The following DYNC1I1 variants were observed in gnomAD, a reference collection of about 807,000 sequenced individuals.
DYNC1I1 encodes cytoplasmic dynein 1 intermediate chain 1.
A neutral mutation model predicts 86.6 loss-of-function variants in DYNC1I1; 43 were observed. That is an observed-to-expected ratio of 0.50 (90% CI 0.39 to 0.64). DYNC1I1 has a LOEUF of 0.64. Ranked by LOEUF, DYNC1I1 falls within the 30% of genes least tolerant of loss-of-function variation. The pLI is 0.00. For missense variants in DYNC1I1, 604 were observed against 788.8 expected, an observed-to-expected ratio of 0.77 and a Z score of 2.81; for synonymous variants, 262 against 283.7, an observed-to-expected ratio of 0.92 and a Z score of 0.77.
At chr7:95,816,990 A>G (rs1794961180) in intron 4 of DYNC1I1, among the ~76,000 whole-genome samples, 1 of 152,188 alleles carries the variant, frequency 6.6e-6, no homozygotes. Flanking sequence ...ATAGTCCTGA[A>G]GAACGGCTTT....
intron 5 of DYNC1I1, among the ~76,000 whole-genome samples, chr7:95,843,844 A>G (rs1225342933): frequency 6.6e-6 from 1 of 152,232 alleles, no homozygotes; most frequent in Admixed American, 6.5e-5. Flanking sequence ...GATTAGGTGA[A>G]TTGAAGATAC....
chr7:95,837,294 A>T (rs1789127368), intron 5 of DYNC1I1, among the ~76,000 whole-genome samples: 1 of 151,952 alleles, frequency 6.6e-6, no homozygotes, highest in Non-Finnish European at 1.5e-5. Flanking sequence ...GTCAGGGGTC[A>T]GGGACCCACT....
At chr7:95,839,885 G>A (rs1397334547) in intron 5 of DYNC1I1, among the ~76,000 whole-genome samples, 1 of 151,636 alleles carries the variant, frequency 6.6e-6, no homozygotes, top group African/African-American at 2.4e-5. Context: ...TCAGCACTTT[G>A]AATATATCAC....
intron 6 of DYNC1I1, among the ~76,000 whole-genome samples, chr7:95,896,552 G>A (rs1584138129): frequency 6.6e-6 from 1 of 152,276 alleles, no homozygotes; most frequent in East Asian, 1.9e-4. Flanking sequence ...AGAGTAAGAA[G>A]TTTGCCTAAA....
At chr7:96,052,485 C>T (rs1789434192) in intron 14 of DYNC1I1, among the ~76,000 whole-genome samples, 1 of 152,102 alleles carries the variant, frequency 6.6e-6, no homozygotes, top group African/African-American at 2.4e-5. Context: ...GCAGTTTAGT[C>T]ATCTCTAAAA....
chr7:96,076,323 C>CAGT, intron 15 of DYNC1I1, 126 bp downstream of exon 15: 1 of 1,378,226 alleles, frequency 7.3e-7, no homozygotes, highest in Non-Finnish European at 9.7e-7. Flanking sequence ...AGCAGGGCTG[C>CAGT]CGGCCCCCAT....
chr7:95,962,887 C>A (rs1195115047), intron 6 of DYNC1I1, among the ~76,000 whole-genome samples: 9 of 152,136 alleles, frequency 5.9e-5, no homozygotes, highest in Non-Finnish European at 1.3e-4. Context: ...ATCCTTAGAA[C>A]CCTCTTTTGA....
At chr7:95,798,012 T>C (rs1042566831) in intron 1 of DYNC1I1, among the ~76,000 whole-genome samples, 25 of 152,304 alleles carry the variant, frequency 1.6e-4, no homozygotes, top group African/African-American at 6.0e-4. Flanking sequence ...TGTATGTTGT[T>C]ATTTTAAAAT....
Position 95,817,937 on chromosome 7 carries a change from C to T in DYNC1I1, c.314+4600C>T, listed in dbSNP as rs143206208. Among the ~76,000 whole-genome samples, 729 of 152,252 alleles carry T rather than the reference C, an allele frequency of 4.8e-3. 6 individuals carry two copies. Among genetic ancestry groups the T allele is most frequent in the African/African-American group, 0.017 (700 of 41,546 alleles). ...GAGCTGAACTAGAAGGTGTACTGGCCTGCAAAAATATAGGAAAGTGTATTG... is the reference window on the plus strand; with the variant it reads ...GAGCTGAACTAGAAGGTGTACTGGCTTGCAAAAATATAGGAAAGTGTATTG... On this transcript the variant is annotated intron_variant, in intron 4 of 16. Coordinates refer to ENST00000447467, the MANE Select transcript of DYNC1I1 (RefSeq NM_001135556.2).
At chr7:95,881,676 AT>A (rs1790458805) in intron 6 of DYNC1I1, among the ~76,000 whole-genome samples, 2 of 152,296 alleles carry the variant, frequency 1.3e-5, no homozygotes, top group African/African-American at 4.8e-5. Context: ...CAAGCTAATT[AT>A]TTTTCTGGTA....
intron 10 of DYNC1I1, among the ~76,000 whole-genome samples, chr7:96,000,714 A>C (rs1793988825): frequency 6.6e-6 from 1 of 152,202 alleles, no homozygotes; most frequent in Non-Finnish European, 1.5e-5. Context: ...TCCAGCTTTC[A>C]TTCTTTATCT....
intron 6 of DYNC1I1, among the ~76,000 whole-genome samples, chr7:95,940,213 C>G (rs1255764989): frequency 6.6e-6 from 1 of 152,042 alleles, no homozygotes; most frequent in African/African-American, 2.4e-5. Flanking sequence ...CGACCTTTCT[C>G]TCTGGCTGCC....
chr7:95,835,782 C>G (rs2115976146), intron 5 of DYNC1I1, among the ~76,000 whole-genome samples: 1 of 151,978 alleles, frequency 6.6e-6, no homozygotes, highest in East Asian at 1.9e-4. Context: ...TTATCAGAGA[C>G]TAGGATTGCA....
chr7:95,947,344 C>A (rs1046011611), intron 6 of DYNC1I1, among the ~76,000 whole-genome samples: 2 of 152,064 alleles, frequency 1.3e-5, no homozygotes, highest in Non-Finnish European at 1.5e-5. Flanking sequence ...CAGCAATGTG[C>A]CTTTTGAACA....
At chr7:95,838,422 C>T (rs1205618522) in intron 5 of DYNC1I1, among the ~76,000 whole-genome samples, 1 of 152,172 alleles carries the variant, frequency 6.6e-6, no homozygotes, top group African/African-American at 2.4e-5. Flanking sequence ...GTTACAGTTC[C>T]ATACTGTTTT....
Position 95,869,980 on chromosome 7 carries a change from G to A in DYNC1I1, c.472G>A (p.Ala158Thr), listed in dbSNP as rs1175334333. 2.5e-6 allele frequency: 4 copies of A among 1,613,628 alleles called. No individual in the cohort carries two copies. The highest frequency in any genetic ancestry group is 1.1e-5 in the South Asian group (1 of 90,948). Residue 158 changes from alanine (A) to threonine (T), a missense_variant, in exon 6 of 17, where the codon GCC becomes ACC. Physicochemically the swap from Ala to Thr is moderately conservative, Grantham distance 58. Coordinates refer to ENST00000447467, the MANE Select transcript of DYNC1I1 (RefSeq NM_001135556.2). ...CTCAAAGGAGACCCAGACTCCTCTTGCCACGCATCAGTCTGAAGGTAAACT... is the reference window on the plus strand; with the variant it reads ...CTCAAAGGAGACCCAGACTCCTCTTACCACGCATCAGTCTGAAGGTAAACT... ...SYSKETQTPLATHQSEEDEED... is the reference protein window; with the variant it reads ...SYSKETQTPLTTHQSEEDEED...
chr7:95,917,911 G>C (rs1335451639), intron 6 of DYNC1I1, among the ~76,000 whole-genome samples: 1 of 152,186 alleles, frequency 6.6e-6, no homozygotes, highest in Non-Finnish European at 1.5e-5. Context: ...CCCTTGGCCT[G>C]GGGCTGCAGG....
chr7:95,966,082 G>A (rs146661165), intron 6 of DYNC1I1, among the ~76,000 whole-genome samples: 2 of 152,224 alleles, frequency 1.3e-5, no homozygotes, highest in East Asian at 3.9e-4. Context: ...GGTTTAGCTG[G>A]AACAGTCACC....
At chr7:95,813,374 C>T in intron 4 of DYNC1I1, 37 bp downstream of exon 4, 1 of 1,335,642 alleles carries the variant, frequency 7.5e-7, no homozygotes, top group Non-Finnish European at 9.9e-7. Flanking sequence ...TGATGGGTGT[C>T]AATTAAAAAA....
Sources: gnomAD v4.1 joint callset for allele counts (sites outside exome capture counted in the v4.1 genomes callset) on GRCh38, gnomAD v4.1.1 for gene constraint, MANE v1.5 for transcripts, NCBI Gene and HGNC (gene_info 2026-07-23, HGNC 2026-07-21) for gene names.